The following MLIP variants were observed in gnomAD, a reference collection of about 807,000 sequenced individuals.
MLIP encodes muscular LMNA-interacting protein.
In MLIP, 79 loss-of-function variants were observed where a neutral mutation model predicts 84.8. The ratio of observed to expected loss-of-function variants is 0.93; its 90% CI spans 0.78 to 1.12. The LOEUF (loss-of-function observed/expected upper bound fraction) is 1.12, where lower values mean the gene tolerates loss of function less well. MLIP is among the 50% of genes most tolerant of loss of function. The probability of loss-of-function intolerance (pLI) is 0.00; values close to 1 mark genes in which losing one functional copy is unlikely to be tolerated. For synonymous variants in MLIP, 504 were observed against 463.0 expected (o/e 1.09, Z -1.14); for missense variants, 1,257 against 1,160.6 (o/e 1.08, Z -1.21).
chr6:54,078,069 T>C (rs953573599), intron 1 of MLIP, among the ~76,000 whole-genome samples: 1 of 152,234 alleles, frequency 6.6e-6, no homozygotes, highest in Non-Finnish European at 1.5e-5. Context: ...ACTGTCATTT[T>C]GGTGGAAATG....
At chr6:54,190,170 T>A (rs1280199677) in intron 10 of MLIP, among the ~76,000 whole-genome samples, 5 of 152,058 alleles carry the variant, frequency 3.3e-5, no homozygotes, top group Admixed American at 6.5e-5. Flanking sequence ...GATTGTGAGG[T>A]CAGATGAAAG....
At chr6:54,153,139 T>C (rs1407987749) in intron 5 of MLIP, among the ~76,000 whole-genome samples, 1 of 152,108 alleles carries the variant, frequency 6.6e-6, no homozygotes, top group East Asian at 1.9e-4. Flanking sequence ...CTCAGTTTTA[T>C]AAGTAGCAAA....
intron 8 of MLIP, among the ~76,000 whole-genome samples, chr6:54,161,884 A>G (rs941433044): frequency 1.3e-5 from 2 of 151,914 alleles, no homozygotes; most frequent in African/African-American, 4.8e-5. Flanking sequence ...CAAATATATT[A>G]TATCAATTTT....
rs1040078719 is a variant in MLIP, at chr6:54,081,576, A to T, written c.64-39871A>T. On this transcript the variant is annotated intron_variant, in intron 1 of 12. Transcript: ENST00000274897. ...GGCGCCCGCCACCATGCCCAGCTAA[A>T]TTTTTTTTGTATTTTTAGTTGAGAT... 4.6e-5 allele frequency among the ~76,000 whole-genome samples: 7 copies of T among 151,584 alleles called. No individual in the cohort carries two copies. In the South Asian group the frequency reaches 8.4e-4, roughly 18 times the overall value.
intron 11 of MLIP, among the ~76,000 whole-genome samples, chr6:54,219,123 GTGA>G (rs974063815): frequency 6.6e-6 from 1 of 151,828 alleles, no homozygotes; most frequent in African/African-American, 2.4e-5. Flanking sequence ...GGAGAATGGT[GTGA>G]ACCTGGGAGG....
At chr6:54,249,529 A>G (rs949650494) in intron 12 of MLIP, among the ~76,000 whole-genome samples, 1 of 151,918 alleles carries the variant, frequency 6.6e-6, no homozygotes, top group Admixed American at 6.6e-5. Context: ...CATAGCATGT[A>G]TTATCCACAG....
At chr6:54,062,210 TCTTA>T (rs2150333855) in intron 1 of MLIP, among the ~76,000 whole-genome samples, 1 of 152,324 alleles carries the variant, frequency 6.6e-6, no homozygotes, top group Non-Finnish European at 1.5e-5. Flanking sequence ...TTGTAGTGTT[TCTTA>T]CTTCCAATCC....
intron 1 of MLIP, among the ~76,000 whole-genome samples, chr6:54,055,840 A>T (rs962322701): frequency 3.3e-5 from 5 of 152,086 alleles, no homozygotes; most frequent in African/African-American, 1.2e-4. Flanking sequence ...CTGAAGGAGG[A>T]GTGCCTGCTA....
chr6:54,138,451 T>A (rs562442369), intron 4 of MLIP, among the ~76,000 whole-genome samples, 165 bp downstream of exon 4: 196 of 152,234 alleles, frequency 1.3e-3, no homozygotes, highest in African/African-American at 4.7e-3. Context: ...AATGTGTAAA[T>A]GAATTATAAT....
chr6:54,142,561 A>G (rs1423617438), intron 4 of MLIP, among the ~76,000 whole-genome samples: 2 of 152,150 alleles, frequency 1.3e-5, no homozygotes, highest in African/African-American at 2.4e-5. Flanking sequence ...CAGGATGTTG[A>G]GGTTGTCAGA....
chr6:54,116,476 C>CA (rs1248700151), intron 1 of MLIP, among the ~76,000 whole-genome samples: 3 of 151,848 alleles, frequency 2.0e-5, no homozygotes, highest in African/African-American at 7.3e-5. Flanking sequence ...AATTATATAC[C>CA]AAAAAATTGG....
intron 11 of MLIP, chr6:54,216,958 G>A (rs923315065): frequency 5.1e-6 from 5 of 985,382 alleles, no homozygotes; most frequent in Non-Finnish European, 6.0e-6. Flanking sequence ...GATTTTATTA[G>A]CAAGGTGTTG....
intron 11 of MLIP, 29 bp from the exon 12 acceptor site, chr6:54,230,685 C>T: frequency 1.9e-6 from 3 of 1,606,610 alleles, no homozygotes; most frequent in Non-Finnish European, 2.6e-6. Flanking sequence ...ATGCTAACAT[C>T]CTCTTATGCC....
upstream of MLIP, chr6:54,111,274 G>T: frequency 7.1e-6 from 5 of 703,346 alleles, no homozygotes; most frequent in Non-Finnish European, 1.0e-5. Context: ...CAGTTAGTAT[G>T]ACCTCTCATA....
Position 54,259,681 on chromosome 6 carries a change from A to G in MLIP, c.2976+2320A>G, listed in dbSNP as rs145722295. 4.2e-3 allele frequency among the ~76,000 whole-genome samples: 637 copies of G among 152,030 alleles called. 9 individuals carry two copies. The highest frequency in any genetic ancestry group is 0.015 in the African/African-American group (620 of 41,534). On this transcript the variant is annotated intron_variant, in intron 13 of 13. Transcript: ENST00000502396. Reference sequence around the variant, plus strand: ...AGGTTTGGAATATACGAAAAATGTCATTTACAGTTTGAAGTTTAACATTTG... The same window carrying G: ...AGGTTTGGAATATACGAAAAATGTCGTTTACAGTTTGAAGTTTAACATTTG...
chr6:54,244,177 G>A (rs185432880), intron 12 of MLIP, among the ~76,000 whole-genome samples: 67 of 152,102 alleles, frequency 4.4e-4, no homozygotes, highest in African/African-American at 1.3e-3. Flanking sequence ...TTAGAAATCC[G>A]TGTGAATAAA....
intron 11 of MLIP, among the ~76,000 whole-genome samples, chr6:54,202,478 T>C (rs1352881667): frequency 6.6e-6 from 1 of 151,474 alleles, no homozygotes; most frequent in Non-Finnish European, 1.5e-5. Flanking sequence ...TTTTTTTTTT[T>C]TTCTAAAACT....
chr6:54,193,804 G>C (rs1210476543), intron 10 of MLIP, among the ~76,000 whole-genome samples: 2 of 152,082 alleles, frequency 1.3e-5, no homozygotes, highest in Non-Finnish European at 2.9e-5. Flanking sequence ...TAGGGTCTGC[G>C]TTAAACCTTC....
chr6:54,027,848 A>T (rs1763908112), intron 1 of MLIP, among the ~76,000 whole-genome samples: 1 of 152,224 alleles, frequency 6.6e-6, no homozygotes, highest in African/African-American at 2.4e-5. Context: ...ATCTTTTGAT[A>T]TAGCTCTGTG....
Sources: allele counts gnomAD v4.1 joint callset (sites outside exome capture counted in the v4.1 genomes callset), GRCh38; gene constraint gnomAD v4.1.1; transcripts MANE v1.5; gene names NCBI Gene and HGNC (gene_info 2026-07-23, HGNC 2026-07-21).